CD99L2: variants seen among roughly 807,000 people sequenced by gnomAD.
The protein encoded by CD99L2 is CD99 molecule like 2.
A neutral mutation model predicts 27.3 loss-of-function variants in CD99L2; 24 were observed. That is an observed-to-expected ratio of 0.88 (90% CI 0.64 to 1.24). The LOEUF (loss-of-function observed/expected upper bound fraction) is 1.24, where lower values mean the gene tolerates loss of function less well. Ranked by LOEUF, CD99L2 falls within the 50% of genes most tolerant of loss-of-function variation. The pLI, the probability that CD99L2 is intolerant of heterozygous loss-of-function variation, is 0.00. For synonymous variants in CD99L2, 97 were observed against 87.9 expected (o/e 1.10, Z -0.58); for missense variants, 255 against 221.6 (o/e 1.15, Z -0.96).
At chrX:150,892,956 T>C (rs1286053728) in intron 1 of CD99L2, among the ~76,000 whole-genome samples, 3 of 111,740 alleles carry the variant, frequency 2.7e-5, no homozygotes, top group African/African-American at 9.8e-5. Context: ...ACCCCGTCTC[T>C]ACTAAAAATA....
intron 1 of CD99L2, among the ~76,000 whole-genome samples, chrX:150,846,848 A>G (rs1017943200): frequency 8.9e-6 from 1 of 112,323 alleles, no homozygotes. Flanking sequence ...CTGTTGACTA[A>G]TAACAAATGC....
intron 10 of CD99L2, among the ~76,000 whole-genome samples, 155 bp downstream of exon 10, chrX:150,770,149 C>G (rs1464686948): frequency 1.8e-5 from 2 of 112,862 alleles, no homozygotes; most frequent in African/African-American, 6.4e-5. Flanking sequence ...GCTCCTGAAA[C>G]TGGGAGGCAG....
chrX:150,893,273 C>T (rs2047549338), intron 1 of CD99L2, among the ~76,000 whole-genome samples: 1 of 111,340 alleles, frequency 9.0e-6, no homozygotes, highest in African/African-American at 3.3e-5. Context: ...GACTAGTGCC[C>T]ATAAGGGCAA....
intron 1 of CD99L2, among the ~76,000 whole-genome samples, chrX:150,849,752 C>G (rs73250579): frequency 6.8e-4 from 76 of 111,559 alleles, no homozygotes; most frequent in Non-Finnish European, 1.3e-3. Context: ...TGCTCCATAA[C>G]CTTCTGAAGC....
intron 1 of CD99L2, among the ~76,000 whole-genome samples, chrX:150,897,380 G>A (rs1347125480): frequency 2.7e-5 from 3 of 112,607 alleles, no homozygotes; most frequent in Non-Finnish European, 5.6e-5. Flanking sequence ...ATGTTAAATG[G>A]CTCTTCGTGA....
chrX:150,897,386 C>T (rs180672474), intron 1 of CD99L2, among the ~76,000 whole-genome samples: 1 of 112,637 alleles, frequency 8.9e-6, no homozygotes, highest in African/African-American at 3.2e-5. Context: ...AATGGCTCTT[C>T]GTGAATCAAC....
intron 1 of CD99L2, among the ~76,000 whole-genome samples, chrX:150,895,962 C>T (rs1321656633): frequency 1.0e-5 from 1 of 96,025 alleles, no homozygotes; most frequent in Non-Finnish European, 2.0e-5. Flanking sequence ...GGAGGTGGAG[C>T]TTGTAGTGAG....
rs2046955993 is a variant in CD99L2, at chrX:150,860,306, A to G, written c.68-29013T>C. 1.4e-3 allele frequency among the ~76,000 whole-genome samples: 3 copies of G among 2,085 alleles called. 1 individual carries two copies. In the South Asian group the frequency reaches 0.16, roughly 110 times the overall value. The allele number at this position is 2,085 out of a possible 115,157, so 1.8% of individuals were successfully genotyped here. A position where few individuals can be genotyped will look rare whatever the true frequency, so the allele number is the denominator to read the frequency against. ...GGGTAAAAACTCAAACTAGGCATAGAAGAAACATACGTTCAAAATACTAAC... is the reference window on the plus strand; with the variant it reads ...GGGTAAAAACTCAAACTAGGCATAGGAGAAACATACGTTCAAAATACTAAC... On this transcript the variant is annotated intron_variant, in intron 1 of 10. Coordinates refer to ENST00000370377, the MANE Select transcript of CD99L2 (RefSeq NM_031462.4).
At chrX:150,815,722 A>C (rs1801665969) in intron 3 of CD99L2, among the ~76,000 whole-genome samples, 1 of 111,942 alleles carries the variant, frequency 8.9e-6, no homozygotes, top group African/African-American at 3.3e-5. Flanking sequence ...AAACAATTAC[A>C]TTTTCCCTGA....
intron 1 of CD99L2, among the ~76,000 whole-genome samples, chrX:150,867,211 A>T (rs2047075062): frequency 9.0e-6 from 1 of 110,840 alleles, no homozygotes; most frequent in Non-Finnish European, 1.9e-5. Context: ...GGAGTTCAAG[A>T]CTAGCTTGGG....
At position 150,826,861 on chromosome X, in the gene CD99L2, G is replaced by A. The variant is rs1316748420; in HGVS notation, c.130+4370C>T. On this transcript the variant is annotated intron_variant, in intron 2 of 10. Coordinates refer to ENST00000370377, the MANE Select transcript of CD99L2 (RefSeq NM_031462.4). ...CTCTTACAGCTGATCTCTTGGCCTC[G>A]AAGTCTCCTTCCTCACTTCCTTGCA... is the stretch of plus-strand genomic sequence containing the variant. 2.7e-5 allele frequency among the ~76,000 whole-genome samples: 3 copies of A among 111,175 alleles called. No individual in the cohort carries two copies. In the Admixed American group the frequency reaches 2.9e-4, roughly 11 times the overall value.
intron 7 of CD99L2, among the ~76,000 whole-genome samples, chrX:150,780,373 G>C (rs1298423915): frequency 8.9e-6 from 1 of 112,376 alleles, no homozygotes; most frequent in Non-Finnish European, 1.9e-5. Context: ...TGGTGCAGCT[G>C]CTATGGAAAA....
rs1293360355 is a variant in CD99L2 at position 150,766,883 on chromosome X, T to C, written c.*2151A>G. ...TCACTAGGAGCTGCCACCGGTGGGC[T>C]TGAGTGCCAGGCTCTAGGCTTTGTG... On this transcript the variant is annotated 3_prime_UTR_variant, in exon 11 of 11. Coordinates refer to ENST00000370377, the MANE Select transcript of CD99L2 (RefSeq NM_031462.4). 2 of 111,853 alleles carry C rather than the reference T, an allele frequency of 1.8e-5. No homozygotes were observed. Among genetic ancestry groups the C allele is most frequent in the African/African-American group, 6.5e-5 (2 of 30,723 alleles). The allele number at this position is 111,853 out of a possible 1,213,427, so 9.2% of individuals were successfully genotyped here.
At chrX:150,770,426 C>T (rs1273838785) in intron 9 of CD99L2, 57 bp from the exon 10 acceptor site, 7 of 1,086,103 alleles carry the variant, frequency 6.4e-6, no homozygotes, top group South Asian at 1.9e-5. Context: ...GGTCCCCAAT[C>T]GTGACTGAGA....
chrX:150,845,924 C>T (rs1488451521), intron 1 of CD99L2, among the ~76,000 whole-genome samples: 2 of 112,468 alleles, frequency 1.8e-5, no homozygotes, highest in African/African-American at 3.2e-5. Context: ...GGCGCAGTGG[C>T]TCACGCCTGT....
At position 150,768,916 on chromosome X, in the gene CD99L2, C is replaced by G. The variant is rs73624505; in HGVS notation, c.*118G>C. On this transcript the variant is annotated 3_prime_UTR_variant, in exon 11 of 11. Transcript: ENST00000370377. ...CCAGAGCTCATCCGGGAAACTCAGA[C>G]CAACAAGGAGCCGATGGCACAGAGC... 10,902 of 1,064,029 alleles carry G rather than the reference C, an allele frequency of 0.01. 253 individuals are homozygous for G. The African/African-American group carries it at 0.11, about 10-fold the overall frequency. The allele number at this position is 1,064,029 out of a possible 1,213,427, so 87.7% of individuals were successfully genotyped here. A position where few individuals can be genotyped will look rare whatever the true frequency, so the allele number is the denominator to read the frequency against.
intron 4 of CD99L2, among the ~76,000 whole-genome samples, chrX:150,800,107 A>G (rs1557420043): frequency 8.9e-6 from 1 of 112,774 alleles, no homozygotes; most frequent in East Asian, 2.7e-4. Flanking sequence ...CATTACATTA[A>G]GTGAAATAAA....
chrX:150,831,133 G>A, intron 2 of CD99L2, 98 bp downstream of exon 2: 1 of 730,284 alleles, frequency 1.4e-6, no homozygotes, highest in Non-Finnish European at 2.1e-6. Context: ...ATCTGATCAA[G>A]TAAAATATAT....
intron 1 of CD99L2, among the ~76,000 whole-genome samples, chrX:150,871,936 A>C (rs782402077): frequency 1.8e-5 from 2 of 112,333 alleles, no homozygotes; most frequent in South Asian, 7.5e-4. Context: ...AACCTATGGT[A>C]TAAAAATCAG....
Sources: allele counts gnomAD v4.1 joint callset (sites outside exome capture counted in the v4.1 genomes callset), GRCh38; gene constraint gnomAD v4.1.1; transcripts MANE v1.5; gene names NCBI Gene and HGNC (gene_info 2026-07-23, HGNC 2026-07-21).